UBA6: variants seen among roughly 807,000 people sequenced by gnomAD.
UBA6 encodes the protein ubiquitin like modifier activating enzyme 6.
UBA6 carries 87 observed loss-of-function variants against 148.3 expected under a neutral mutation model. That is an observed-to-expected ratio of 0.59 (90% confidence interval 0.49 to 0.70). UBA6 has a LOEUF of 0.70. UBA6 is among the 30% of genes least tolerant of loss of function. UBA6 has a pLI of 0.00. For missense variants in UBA6, 1,186 were observed against 1,241.2 expected (o/e 0.96, Z 0.67); for synonymous variants, 376 against 401.0 (o/e 0.94, Z 0.75).
At chr4:67,698,687 C>T (rs6825409) in intron 1 of UBA6, among the ~76,000 whole-genome samples, 35,543 of 152,080 alleles carry the variant, frequency 0.23, 4,315 homozygotes, top group Middle Eastern at 0.3. Flanking sequence ...GGGATGGGCG[C>T]GGTGGCTCAT....
Position 67,626,478 on chromosome 4 carries a change from C to A in UBA6, c.2401-1G>T. On this transcript the variant is annotated splice_acceptor_variant, in intron 27 of 32. Coordinates refer to ENST00000322244, the MANE Select transcript of UBA6 (RefSeq NM_018227.6). LOFTEE classifies it high-confidence loss of function. Reference sequence around the variant, plus strand: ...TTGCAGTTTCATCTGTTTGAACAACCTTTGAATATATGAATATATTTTTAT... The same window carrying A: ...TTGCAGTTTCATCTGTTTGAACAACATTTGAATATATGAATATATTTTTAT... 6.4e-7 allele frequency: 1 copy of A among 1,567,544 alleles called. No homozygotes were observed. Among genetic ancestry groups the A allele is most frequent in the Non-Finnish European group, 8.7e-7 (1 of 1,144,346 alleles).
chr4:67,667,350 A>G (rs974754374), intron 9 of UBA6, among the ~76,000 whole-genome samples: 3 of 152,174 alleles, frequency 2.0e-5, no homozygotes, highest in Non-Finnish European at 4.4e-5. Flanking sequence ...TAATAAAAAC[A>G]TATTCTTTAG....
intron 9 of UBA6, among the ~76,000 whole-genome samples, chr4:67,667,422 G>T (rs139411992): frequency 6.6e-6 from 1 of 151,976 alleles, no homozygotes; most frequent in East Asian, 1.9e-4. Context: ...AAATCAAATA[G>T]TTTTGTTACC....
chr4:67,661,370 T>C (rs781154266), intron 13 of UBA6, among the ~76,000 whole-genome samples: 6 of 152,170 alleles, frequency 3.9e-5, no homozygotes, highest in Admixed American at 2.6e-4. Flanking sequence ...CAGTGAGTGA[T>C]AGTGAGTGAG....
Position 67,615,720 on chromosome 4 carries a change from G to T in UBA6, c.*3277C>A, listed in dbSNP as rs191290075. On this transcript the variant is annotated 3_prime_UTR_variant, in exon 33 of 33. Coordinates refer to ENST00000322244, the MANE Select transcript of UBA6 (RefSeq NM_018227.6). ...AATAAAGTACAGCTACAACCAACAT[G>T]AATCAATCCCATCTTGAACAAATGC... is the stretch of plus-strand genomic sequence containing the variant. The T allele has an allele frequency of 7.0e-4, 112 of 160,624 alleles. 1 individual carries two copies. Among genetic ancestry groups the T allele is most frequent in the African/African-American group, 2.4e-3 (102 of 42,044 alleles). The allele number at this position is 160,624 out of a possible 1,614,324, so 9.9% of individuals were successfully genotyped here. A position where few individuals can be genotyped will look rare whatever the true frequency, so the allele number is the denominator to read the frequency against.
chr4:67,620,075 T>C (rs1728718029), intron 32 of UBA6, among the ~76,000 whole-genome samples: 1 of 152,210 alleles, frequency 6.6e-6, no homozygotes. Context: ...AGATATTTTG[T>C]CCCGTACATA....
intron 2 of UBA6, among the ~76,000 whole-genome samples, chr4:67,691,510 G>A (rs1249103891): frequency 6.6e-6 from 1 of 152,170 alleles, no homozygotes; most frequent in Non-Finnish European, 1.5e-5. Flanking sequence ...CTTTGCCTGA[G>A]CAGTTCCTCT....
intron 2 of UBA6, among the ~76,000 whole-genome samples, chr4:67,690,250 T>G (rs1050112767): frequency 1.3e-5 from 2 of 152,024 alleles, no homozygotes; most frequent in African/African-American, 4.8e-5. Flanking sequence ...AAAACTAGAT[T>G]TCCAAATGCA....
In UBA6 at chr4:67,663,204, C is replaced by T. The variant is rs1729906964; in HGVS notation, c.972G>A (p.Glu324=). The part of the protein sequence containing the change: ...VDFSNPEAPL[E]IHTAMLALDQ... ...CCAAGGCAAGCATAGCTGTGTGAAT[C>T]TCTAAAGGTGCCTATTGAGAACATT... The change falls in exon 12 of 33, where the codon GAG becomes GAA. Residue 324 remains glutamate (E), a synonymous_variant. Coordinates refer to ENST00000322244, the MANE Select transcript of UBA6 (RefSeq NM_018227.6). 2 of 1,610,568 alleles carry T rather than the reference C, an allele frequency of 1.2e-6. No individual in the cohort carries two copies. The highest frequency in any genetic ancestry group is 1.7e-6 in the Non-Finnish European group (2 of 1,178,702).
At chr4:67,652,828 T>C (rs35446506) in intron 13 of UBA6, among the ~76,000 whole-genome samples, 34,924 of 152,178 alleles carry the variant, frequency 0.23, 4,167 homozygotes, top group Middle Eastern at 0.3. Flanking sequence ...GCCCAAATAC[T>C]GCACTTTCCT....
chr4:67,637,137 G>C, intron 19 of UBA6, among the ~76,000 whole-genome samples: 1 of 152,008 alleles, frequency 6.6e-6, no homozygotes, highest in Middle Eastern at 3.2e-3. Flanking sequence ...TCTGGGAAGT[G>C]AGGAGCGTCT....
chr4:67,647,775 G>GTTT (rs397878457), intron 14 of UBA6, among the ~76,000 whole-genome samples: 3 of 133,208 alleles, frequency 2.3e-5, no homozygotes, highest in Non-Finnish European at 3.3e-5. Flanking sequence ...TTCTCATGGT[G>GTTT]TTTTTTTTTT....
Position 67,614,254 on chromosome 4 carries a change from C to T in UBA6, c.*4743G>A, listed in dbSNP as rs1355496396. Reference sequence around the variant, plus strand: ...CTTTGAGTTGTCCTGCCTTTCTGAACCAAACCAATGCATTTCTTAAACGTA... The same window carrying T: ...CTTTGAGTTGTCCTGCCTTTCTGAATCAAACCAATGCATTTCTTAAACGTA... On this transcript the variant is annotated 3_prime_UTR_variant, in exon 33 of 33. Transcript: ENST00000322244. 2.0e-5 allele frequency: 3 copies of T among 152,186 alleles called. No individual in the cohort carries two copies. The highest frequency in any genetic ancestry group is 4.4e-5 in the Non-Finnish European group (3 of 68,050). 9.4% of individuals were successfully genotyped at this position (152,186 alleles called of 1,614,324 possible). A position where few individuals can be genotyped will look rare whatever the true frequency, so the allele number is the denominator to read the frequency against.
chr4:67,631,522 C>T (rs939559679), intron 25 of UBA6, among the ~76,000 whole-genome samples, 186 bp downstream of exon 25: 5 of 152,024 alleles, frequency 3.3e-5, no homozygotes, highest in Non-Finnish European at 5.9e-5. Context: ...AATGGATTCA[C>T]ATTTGTGTGG....
rs767485861 is a variant in UBA6 at position 67,623,185 on chromosome 4, C to T, written c.2878G>A (p.Val960Ile). 5.5e-5 allele frequency: 88 copies of T among 1,612,438 alleles called. No individual in the cohort carries two copies. Among genetic ancestry groups the T allele is most frequent in the East Asian group, 1.3e-4 (6 of 44,776 alleles). Residue 960 changes from valine (V) to isoleucine (I), a missense_variant, in exon 31 of 33, where the codon GTA becomes ATA. Physicochemically the swap from Val to Ile is conservative, Grantham distance 29. Coordinates refer to ENST00000322244, the MANE Select transcript of UBA6 (RefSeq NM_018227.6). ...AGGGTGAAATCTTCTTTTCCATGTACGGTCCATCGATCCCAAATTGTAAAT... is the reference window on the plus strand; with the variant it reads ...AGGGTGAAATCTTCTTTTCCATGTATGGTCCATCGATCCCAAATTGTAAAT... ...ISFTIWDRWT[V>I]HGKEDFTLLD...
chr4:67,690,076 T>C (rs989667043), intron 2 of UBA6, among the ~76,000 whole-genome samples: 16 of 152,168 alleles, frequency 1.1e-4, no homozygotes, highest in African/African-American at 3.6e-4. Flanking sequence ...AAAGGATCAC[T>C]GGAAGGTATT....
At position 67,629,121 on chromosome 4, in the gene UBA6, A is replaced by G; in HGVS notation, c.2350T>C (p.Leu784=). 6.2e-7 allele frequency: 1 copy of G among 1,609,470 alleles called. No homozygotes were observed. The highest frequency in any genetic ancestry group is 8.5e-7 in the Non-Finnish European group (1 of 1,176,596). ...ATCTTTACTTCTGAAAGAATATTCA[A>G]GAGGGCATCTGCTGATAAGTCCTGT... ...AEEDLSADAL[L]NILSEVKIQE... The change falls in exon 27 of 33, where the codon TTG becomes CTG. Residue 784 remains leucine (L), a synonymous_variant. Coordinates refer to ENST00000322244, the MANE Select transcript of UBA6 (RefSeq NM_018227.6).
intron 6 of UBA6, among the ~76,000 whole-genome samples, chr4:67,674,008 C>T (rs1730215493): frequency 1.3e-5 from 2 of 152,136 alleles, no homozygotes; most frequent in African/African-American, 2.4e-5. Flanking sequence ...AACTTGATAA[C>T]CATCACACGC....
chr4:67,637,891 C>A (rs1729203737), intron 19 of UBA6, among the ~76,000 whole-genome samples: 1 of 151,438 alleles, frequency 6.6e-6, no homozygotes, highest in African/African-American at 2.4e-5. Flanking sequence ...TGTCCTATGA[C>A]CCTGCCAAAT....
Sources: allele counts gnomAD v4.1 joint callset (sites outside exome capture counted in the v4.1 genomes callset), GRCh38; gene constraint gnomAD v4.1.1; transcripts MANE v1.5; gene names NCBI Gene and HGNC (gene_info 2026-07-23, HGNC 2026-07-21).